The following MPRIP variants were observed in gnomAD, a reference collection of about 807,000 sequenced individuals.
The protein encoded by MPRIP is myosin phosphatase Rho-interacting protein.
A neutral mutation model predicts 234.9 loss-of-function variants in MPRIP; 59 were observed. The ratio of observed to expected loss-of-function variants is 0.25; its 90% CI spans 0.20 to 0.31. The LOEUF is 0.31. Ranked by LOEUF, MPRIP falls within the 10% of genes least tolerant of loss-of-function variation. The pLI, the probability that MPRIP is intolerant of heterozygous loss-of-function variation, is 1.00. For missense variants in MPRIP, 2,436 were observed against 3,071.0 expected (o/e 0.79, Z 4.89); for synonymous variants, 1,144 against 1,263.9 (o/e 0.91, Z 2.01).
chr17:17,154,738 G>A (rs2045690173), intron 13 of MPRIP, among the ~76,000 whole-genome samples: 1 of 152,188 alleles, frequency 6.6e-6, no homozygotes, highest in Non-Finnish European at 1.5e-5. Context: ...CCCCGCAGTC[G>A]GTGCTCTCAG....
At chr17:17,155,824 C>A (rs2045716748) in intron 13 of MPRIP, among the ~76,000 whole-genome samples, 1 of 152,258 alleles carries the variant, frequency 6.6e-6, no homozygotes, top group Admixed American at 6.5e-5. Flanking sequence ...GCACCCAGAG[C>A]TGCAGCAAGC....
chr17:17,136,011 C>G (rs973507471), intron 5 of MPRIP, among the ~76,000 whole-genome samples: 1 of 152,182 alleles, frequency 6.6e-6, no homozygotes, highest in African/African-American at 2.4e-5. Context: ...TTCTGTCTCA[C>G]CTTATTTGAG....
intron 5 of MPRIP, among the ~76,000 whole-genome samples, chr17:17,134,417 G>A (rs906323066): frequency 6.6e-6 from 1 of 152,190 alleles, no homozygotes; most frequent in African/African-American, 2.4e-5. Flanking sequence ...GGGACAGGTC[G>A]TCCTGGGGCG....
Position 17,147,383 on chromosome 17 carries a change from A to G in MPRIP, c.1625A>G (p.Glu542Gly), listed in dbSNP as rs763417491. ...SLRYYRDSVAEEAADLDGEID... is the reference protein window; with the variant it reads ...SLRYYRDSVAGEAADLDGEID... ...AGATACTACAGGGATTCAGTGGCTG[A>G]GGAGGTGAGTGTCTGGGCTTTGCCT... The change falls in exon 11 of 24, where the codon GAG becomes GGG. Residue 542 changes from glutamate (E) to glycine (G), a missense_variant. This residue lies in a region of MPRIP where 1,998 missense variants were observed against 2,520.3 expected (regional missense o/e 0.79). Coordinates refer to ENST00000651222, the MANE Select transcript of MPRIP (RefSeq NM_001364716.4). The G allele has an allele frequency of 1.2e-6, 2 of 1,613,966 alleles. No individual in the cohort carries two copies. Among genetic ancestry groups the G allele is most frequent in the African/African-American group, 2.7e-5 (2 of 74,922 alleles).
chr17:17,052,762 A>G (rs999707678), intron 1 of MPRIP, among the ~76,000 whole-genome samples: 1 of 152,184 alleles, frequency 6.6e-6, no homozygotes, highest in Admixed American at 6.5e-5. Context: ...CTACTGGCCT[A>G]GGCAGCAGCC....
At chr17:17,089,220 G>A (rs1053270108) in intron 3 of MPRIP, among the ~76,000 whole-genome samples, 1 of 152,226 alleles carries the variant, frequency 6.6e-6, no homozygotes, top group South Asian at 2.1e-4. Context: ...TGGCTCTGGA[G>A]GTTGAGAGTC....
intron 14 of MPRIP, among the ~76,000 whole-genome samples, 171 bp downstream of exon 14, chr17:17,159,173 G>A (rs1384484560): frequency 1.3e-5 from 2 of 152,248 alleles, no homozygotes; most frequent in African/African-American, 4.8e-5. Context: ...AGGCAGACCT[G>A]AGAGCTGTGG....
rs1411030980 is a variant in MPRIP at position 17,187,539 on chromosome 17, G to A, written c.*2645G>A. 6.6e-6 allele frequency: 1 copy of A among 152,238 alleles called. No individual in the cohort carries two copies. The highest frequency in any genetic ancestry group is 1.5e-5 in the Non-Finnish European group (1 of 68,046). 9.4% of individuals were successfully genotyped at this position (152,238 alleles called of 1,614,324 possible). On this transcript the variant is annotated 3_prime_UTR_variant, in exon 24 of 24. Coordinates refer to ENST00000651222, the MANE Select transcript of MPRIP (RefSeq NM_001364716.4). ...AGTGAACCAGGCGAGAAAGGATGACGATGTTCTTCATGTTGCACCTGGACA... is the reference window on the plus strand; with the variant it reads ...AGTGAACCAGGCGAGAAAGGATGACAATGTTCTTCATGTTGCACCTGGACA...
chr17:17,047,909 T>G, intron 1 of MPRIP, among the ~76,000 whole-genome samples: 1 of 151,956 alleles, frequency 6.6e-6, no homozygotes, highest in Middle Eastern at 3.2e-3. Context: ...GGAACCAGCC[T>G]AGGAAGCCCC....
intron 1 of MPRIP, chr17:17,057,965 T>G (rs934472372): frequency 2.5e-5 from 11 of 440,800 alleles, no homozygotes; most frequent in Non-Finnish European, 4.5e-5. Context: ...CCACCCAACT[T>G]AAGAAAGAGA....
At chr17:17,151,579 A>G (rs1719210465) in intron 12 of MPRIP, among the ~76,000 whole-genome samples, 1 of 152,204 alleles carries the variant, frequency 6.6e-6, no homozygotes, top group Admixed American at 6.5e-5. Flanking sequence ...ACATGGCCCA[A>G]ACCCCAACCC....
rs149380688 is a variant in MPRIP at position 17,110,695 on chromosome 17, T to C, written c.268-16007T>C. ...AAGAGAAGGGGTATCACCTCTATGGTTGTCCTCCCTTAAACACATAACCAC... is the reference window on the plus strand; with the variant it reads ...AAGAGAAGGGGTATCACCTCTATGGCTGTCCTCCCTTAAACACATAACCAC... On this transcript the variant is annotated intron_variant, in intron 3 of 23. Coordinates refer to ENST00000651222, the MANE Select transcript of MPRIP (RefSeq NM_001364716.4). Among the ~76,000 whole-genome samples the C allele has an allele frequency of 7.0e-3, 1,063 of 152,278 alleles. 14 individuals are homozygous for C. The highest frequency in any genetic ancestry group is 0.024 in the Middle Eastern group (7 of 294).
chr17:17,091,550 G>T lies in MPRIP; in HGVS notation c.267+13474G>T, dbSNP rs1218943997. ...CGTATTAGGTGCTGGGTGACTGGGGGCTGAATGGAATGTGTTGTCCAGGGT... is the reference window on the plus strand; with the variant it reads ...CGTATTAGGTGCTGGGTGACTGGGGTCTGAATGGAATGTGTTGTCCAGGGT... On this transcript the variant is annotated intron_variant, in intron 3 of 23. Transcript: ENST00000651222. Among the ~76,000 whole-genome samples the T allele has an allele frequency of 2.6e-5, 4 of 152,240 alleles. No homozygotes were observed. In the East Asian group the frequency reaches 5.8e-4, roughly 22 times the overall value.
At chr17:17,081,543 T>C (rs1293695408) in intron 3 of MPRIP, among the ~76,000 whole-genome samples, 2 of 152,184 alleles carry the variant, frequency 1.3e-5, no homozygotes, top group African/African-American at 4.8e-5. Context: ...ATAACTGGGA[T>C]GGGGAAAATT....
chr17:17,131,649 C>A lies in MPRIP; in HGVS notation c.452C>A (p.Thr151Asn). Reference protein sequence around the residue: ...WLEMLMVYPRTNKQNQKKKRK... With the variant: ...WLEMLMVYPRNNKQNQKKKRK... ...GAGATGCTCATGGTCTATCCCCGGA[C>A]CAACAAGCAGAATCAGAAGAAGAAA... is the stretch of plus-strand genomic sequence containing the variant. The change falls in exon 5 of 24, where the codon ACC becomes AAC. Residue 151 changes from threonine (T) to asparagine (N), a missense_variant. By Grantham distance (65) the Thr-to-Asn change is moderately conservative. Transcript: ENST00000651222. 1 of 1,614,164 alleles carries A rather than the reference C, an allele frequency of 6.2e-7. No individual in the cohort carries two copies. Among genetic ancestry groups the A allele is most frequent in the East Asian group, 2.2e-5 (1 of 44,876 alleles).
intron 5 of MPRIP, 90 bp downstream of exon 5, chr17:17,131,791 A>G (rs2144424819): frequency 8.3e-7 from 1 of 1,206,396 alleles, no homozygotes; most frequent in South Asian, 1.2e-5. Context: ...GGGTGAGGAC[A>G]CAGTCAGGCC....
chr17:17,125,824 T>TA (rs2090480511), intron 3 of MPRIP, among the ~76,000 whole-genome samples: 1 of 152,128 alleles, frequency 6.6e-6, no homozygotes, highest in Non-Finnish European at 1.5e-5. Context: ...GGTGGGCTGT[T>TA]GGGGGTGCTC....
chr17:17,140,088 T>C (rs1485734178), intron 7 of MPRIP, among the ~76,000 whole-genome samples: 7 of 152,160 alleles, frequency 4.6e-5, no homozygotes, highest in Non-Finnish European at 8.8e-5. Flanking sequence ...TAAGAAAATA[T>C]ATAAGTAAAG....
Position 17,177,268 on chromosome 17 carries a change from G to T in MPRIP, c.6976G>T (p.Asp2326Tyr). The T allele has an allele frequency of 6.2e-7, 1 of 1,612,480 alleles. No individual in the cohort carries two copies. Among genetic ancestry groups the T allele is most frequent in the South Asian group, 1.1e-5 (1 of 90,914 alleles). ...TALRDKKYAS[D>Y]KYKDIYTELS... ...TCCCAAGGACAAGAAGTACGCAAGT[G>T]ACAAGTACAAAGACATCTACACAGA... Residue 2326 changes from aspartate (D) to tyrosine (Y), a missense_variant, in exon 22 of 24, where the codon GAC becomes TAC. This residue lies in a region of MPRIP where 1,998 missense variants were observed against 2,520.3 expected (regional missense o/e 0.79). Transcript: ENST00000651222.
Sources: gnomAD v4.1 joint callset for allele counts (sites outside exome capture counted in the v4.1 genomes callset) on GRCh38, gnomAD v4.1.1 for gene constraint, gnomAD v4.1.1 regional missense constraint, MANE v1.5 for transcripts, NCBI Gene and HGNC (gene_info 2026-07-23, HGNC 2026-07-21) for gene names.